Variants in NRXN1 observed in about 807,000 individuals in gnomAD.
NRXN1 encodes neurexin-1.
In NRXN1, 39 loss-of-function variants were observed where a neutral mutation model predicts 150.9. That is an observed-to-expected ratio of 0.26 (90% CI 0.20 to 0.34). The LOEUF (loss-of-function observed/expected upper bound fraction) is 0.34, where lower values mean the gene tolerates loss of function less well. Ranked by LOEUF, NRXN1 falls within the 10% of genes least tolerant of loss-of-function variation. NRXN1 has a pLI of 1.00. For synonymous variants in NRXN1, 924 were observed against 757.0 expected (o/e 1.22, Z -3.62); for missense variants, 1,815 against 1,949.9 (o/e 0.93, Z 1.30).
chr2:50,471,552 G>A (rs569281142), intron 16 of NRXN1, among the ~76,000 whole-genome samples: 15 of 151,906 alleles, frequency 9.9e-5, no homozygotes, highest in East Asian at 5.8e-4. Flanking sequence ...TATGCATTGC[G>A]CAGTGATAAA....
rs757453009 is a variant in NRXN1 at position 51,027,857 on chromosome 2, C to G, written c.417G>C (p.Glu139Asp). The G allele has an allele frequency of 6.2e-7, 1 of 1,613,122 alleles. No individual in the cohort carries two copies. Among genetic ancestry groups the G allele is most frequent in the Non-Finnish European group, 8.5e-7 (1 of 1,179,720 alleles). Reference protein sequence around the residue: ...FIDQVEAKWVEVKSKRRDMTV... With the variant: ...FIDQVEAKWVDVKSKRRDMTV... The stretch of plus-strand genomic sequence containing the variant: ...TCATGTCCCTGCGCTTGGACTTGAC[C>G]TCCACCCACTTGGCCTCCACCTGGT... Residue 139 changes from glutamate to aspartate, a missense_variant, in exon 2 of 23, where the codon GAG becomes GAC. Physicochemically the swap from Glu to Asp is conservative, Grantham distance 45. Transcript: ENST00000401669.
chr2:50,401,847 C>T (rs552941347), intron 17 of NRXN1, among the ~76,000 whole-genome samples: 119 of 152,238 alleles, frequency 7.8e-4, no homozygotes, highest in African/African-American at 2.6e-3. Context: ...CAATATCTTG[C>T]TATATTCAAA....
intron 5 of NRXN1, among the ~76,000 whole-genome samples, chr2:50,630,705 T>C (rs1391667572): frequency 6.6e-6 from 1 of 151,748 alleles, no homozygotes; most frequent in Non-Finnish European, 1.5e-5. Flanking sequence ...GGTTTTACTA[T>C]AGTTATATGA....
Position 50,146,330 on chromosome 2 carries a change from A to T in NRXN1, c.3547-54836T>A, listed in dbSNP as rs538415576. ...TGACCCAGCAATCCCATTACTGGGT[A>T]TATACCCAAAGGATTACAAATCATC... On this transcript the variant is annotated intron_variant, in intron 18 of 22. Transcript: ENST00000401669. 2.0e-5 allele frequency among the ~76,000 whole-genome samples: 3 copies of T among 151,874 alleles called. No individual in the cohort carries two copies. In the East Asian group the frequency reaches 5.8e-4, roughly 29 times the overall value.
intron 15 of NRXN1, among the ~76,000 whole-genome samples, chr2:50,473,438 T>C (rs765399482): frequency 6.6e-6 from 1 of 151,956 alleles, no homozygotes; most frequent in Non-Finnish European, 1.5e-5. Context: ...CTGGATAATA[T>C]TCAATAAACA....
intron 5 of NRXN1, among the ~76,000 whole-genome samples, chr2:50,730,280 A>C (rs994170426): frequency 6.6e-6 from 1 of 152,054 alleles, no homozygotes; most frequent in South Asian, 2.1e-4. Flanking sequence ...TAAATTTCCT[A>C]TTGTCGGCCT....
chr2:50,155,568 C>T (rs2058967601), intron 18 of NRXN1, among the ~76,000 whole-genome samples: 1 of 151,550 alleles, frequency 6.6e-6, no homozygotes, highest in Admixed American at 6.6e-5. Flanking sequence ...TAAGATCCTT[C>T]TCTAGAATAA....
chr2:50,983,427 G>C (rs1484777056), intron 2 of NRXN1, among the ~76,000 whole-genome samples: 1 of 152,054 alleles, frequency 6.6e-6, no homozygotes, highest in African/African-American at 2.4e-5. Context: ...ATTTTCTTTA[G>C]GTACTTGCTA....
chr2:50,601,814 G>C (rs1240085402), intron 8 of NRXN1, among the ~76,000 whole-genome samples: 1 of 152,108 alleles, frequency 6.6e-6, no homozygotes, highest in Non-Finnish European at 1.5e-5. Flanking sequence ...ATGTACCACT[G>C]CATAAGACAG....
chr2:50,056,105 T>TTTCC (rs1196174691), intron 19 of NRXN1, among the ~76,000 whole-genome samples: 1 of 152,148 alleles, frequency 6.6e-6, no homozygotes, highest in Non-Finnish European at 1.5e-5. Context: ...ACATGGAAAT[T>TTTCC]TAAGCCAAGA....
chr2:50,137,927 C>T (rs1706664096), intron 18 of NRXN1, among the ~76,000 whole-genome samples: 1 of 152,138 alleles, frequency 6.6e-6, no homozygotes, highest in African/African-American at 2.4e-5. Context: ...ACAATTTCTC[C>T]TTTGACGGAA....
intron 21 of NRXN1, among the ~76,000 whole-genome samples, chr2:49,998,182 T>A (rs1195360945): frequency 6.6e-6 from 1 of 152,284 alleles, no homozygotes; most frequent in Non-Finnish European, 1.5e-5. Context: ...TTAAAACTTT[T>A]ACCTGCTCTA....
chr2:50,146,670 T>C (rs1558972839), intron 18 of NRXN1, among the ~76,000 whole-genome samples: 1 of 151,800 alleles, frequency 6.6e-6, no homozygotes, highest in East Asian at 1.9e-4. Context: ...CTATTATACT[T>C]AGGCTAAAAA....
chr2:50,446,520 C>T, intron 17 of NRXN1, among the ~76,000 whole-genome samples: 1 of 129,320 alleles, frequency 7.7e-6, no homozygotes, highest in African/African-American at 2.9e-5. Flanking sequence ...CTTCCTCCCT[C>T]CCTCCCTTCC....
intron 18 of NRXN1, among the ~76,000 whole-genome samples, chr2:50,214,821 T>A (rs2063285219): frequency 6.6e-6 from 1 of 151,998 alleles, no homozygotes; most frequent in Non-Finnish European, 1.5e-5. Context: ...ACTTCAATGT[T>A]TCAAAGTACA....
At chr2:50,252,253 C>CTTTTTTTTTTTTTTTTT (rs2067187876) in intron 17 of NRXN1, among the ~76,000 whole-genome samples, 1 of 58,856 alleles carries the variant, frequency 1.7e-5, no homozygotes, top group African/African-American at 6.8e-5. Flanking sequence ...TTTCTTTTTT[C>CTTTTTTTTTTTTTTTTT]TTTTCTTTTT....
chr2:50,965,644 T>G (rs1277551191), intron 2 of NRXN1, among the ~76,000 whole-genome samples: 3 of 151,528 alleles, frequency 2.0e-5, no homozygotes, highest in Non-Finnish European at 4.4e-5. Flanking sequence ...CTAAAATATT[T>G]TATGGATATT....
chr2:50,051,280 A>G (rs1165715178), intron 21 of NRXN1, among the ~76,000 whole-genome samples: 1 of 152,062 alleles, frequency 6.6e-6, no homozygotes, highest in Non-Finnish European at 1.5e-5. Flanking sequence ...CTAATTGACA[A>G]AATACATAAA....
chr2:49,959,695 T>G (rs996751028), intron 21 of NRXN1, among the ~76,000 whole-genome samples: 1 of 152,222 alleles, frequency 6.6e-6, no homozygotes, highest in African/African-American at 2.4e-5. Flanking sequence ...TTGTAGGGAT[T>G]AAGAAAATCA....
Sources: gnomAD v4.1 joint callset for allele counts (sites outside exome capture counted in the v4.1 genomes callset) on GRCh38, gnomAD v4.1.1 for gene constraint, MANE v1.5 for transcripts, NCBI Gene and HGNC (gene_info 2026-07-23, HGNC 2026-07-21) for gene names.